The following VAT1L variants were observed in gnomAD, a reference collection of about 807,000 sequenced individuals.
VAT1L encodes the protein vesicle amine transport 1 like.
VAT1L carries 34 observed loss-of-function variants against 44.1 expected under a neutral mutation model. The ratio of observed to expected loss-of-function variants is 0.77; its 90% CI spans 0.59 to 1.03. The LOEUF (loss-of-function observed/expected upper bound fraction) is 1.03. Ranked by LOEUF, VAT1L falls within the 50% of genes least tolerant of loss-of-function variation. The pLI, the probability that VAT1L is intolerant of heterozygous loss-of-function variation, is 0.00. For missense variants in VAT1L, 615 were observed against 538.8 expected (o/e 1.14, Z -1.40); for synonymous variants, 253 against 202.2 (o/e 1.25, Z -2.13).
chr16:77,851,667 AAGAG>A (rs200308279), intron 3 of VAT1L, among the ~76,000 whole-genome samples: 11 of 151,540 alleles, frequency 7.3e-5, no homozygotes, highest in African/African-American at 2.4e-4. Context: ...AAATAATAAT[AAGAG>A]AGAGAGAGAG....
chr16:77,950,233 AC>A (rs1231237889), intron 7 of VAT1L, among the ~76,000 whole-genome samples: 1 of 152,062 alleles, frequency 6.6e-6, no homozygotes, highest in Admixed American at 6.6e-5. Flanking sequence ...ACATGGGGAA[AC>A]CCCATCTCTA....
intron 1 of VAT1L, among the ~76,000 whole-genome samples, chr16:77,807,691 CA>C (rs547432992): frequency 1.1e-3 from 163 of 152,242 alleles, no homozygotes; most frequent in African/African-American, 3.9e-3. Context: ...ATTCGGATAG[CA>C]AGCTTATATC....
At chr16:77,859,835 AAC>A (rs2016897950) in intron 3 of VAT1L, among the ~76,000 whole-genome samples, 1 of 152,162 alleles carries the variant, frequency 6.6e-6, no homozygotes, top group African/African-American at 2.4e-5. Flanking sequence ...TGAAGCAGGA[AAC>A]ACAGTAAGAG....
At chr16:77,837,702 A>T (rs1255407434) in intron 3 of VAT1L, among the ~76,000 whole-genome samples, 1 of 152,198 alleles carries the variant, frequency 6.6e-6, no homozygotes, top group Non-Finnish European at 1.5e-5. Flanking sequence ...TCTGGTTTCC[A>T]GGTGACAGAG....
chr16:77,971,968 C>A (rs1567526833), intron 8 of VAT1L, 35 bp downstream of exon 8: 2 of 1,590,232 alleles, frequency 1.3e-6, no homozygotes, highest in Non-Finnish European at 1.7e-6. Context: ...TTCAGTTCCA[C>A]GCGAGAGAGC....
chr16:77,881,706 G>A (rs1215303502), intron 6 of VAT1L, among the ~76,000 whole-genome samples: 1 of 152,196 alleles, frequency 6.6e-6, no homozygotes, highest in Non-Finnish European at 1.5e-5. Flanking sequence ...ATGGGTCAAG[G>A]ATCATCCTAA....
chr16:77,888,057 G>C (rs533685637), intron 7 of VAT1L, among the ~76,000 whole-genome samples: 53 of 152,084 alleles, frequency 3.5e-4, no homozygotes, highest in Non-Finnish European at 6.0e-4. Flanking sequence ...CTTCTATTTT[G>C]AACACTCCTT....
chr16:77,825,111 C>G (rs984486853), intron 2 of VAT1L, 135 bp from the exon 3 acceptor site: 7 of 856,560 alleles, frequency 8.2e-6, no homozygotes, highest in African/African-American at 5.0e-5. Context: ...GATTGATTCA[C>G]CCACCTCAGC....
chr16:77,935,209 T>A (rs1043668932), intron 7 of VAT1L, among the ~76,000 whole-genome samples: 5 of 152,168 alleles, frequency 3.3e-5, no homozygotes, highest in Non-Finnish European at 7.4e-5. Context: ...GTGAAATCTC[T>A]TTTAGGTTGT....
chr16:77,977,535 A>C, intron 8 of VAT1L, 62 bp from the exon 9 acceptor site: 1 of 1,540,078 alleles, frequency 6.5e-7, no homozygotes, highest in Non-Finnish European at 8.9e-7. Flanking sequence ...ACTCTGTCAG[A>C]TGCTCAGAGA....
At chr16:77,812,033 C>T (rs2016273771) in intron 1 of VAT1L, among the ~76,000 whole-genome samples, 1 of 151,976 alleles carries the variant, frequency 6.6e-6, no homozygotes, top group Admixed American at 6.6e-5. Flanking sequence ...AACCCAAGCA[C>T]CTGCATCTGT....
chr16:77,822,886 C>T (rs539938307), intron 2 of VAT1L, among the ~76,000 whole-genome samples: 7 of 152,176 alleles, frequency 4.6e-5, no homozygotes, highest in Non-Finnish European at 8.8e-5. Context: ...TTAGGTAACC[C>T]GAACCCCTGC....
chr16:77,825,126 C>T, intron 2 of VAT1L, 120 bp from the exon 3 acceptor site: 2 of 1,067,142 alleles, frequency 1.9e-6, no homozygotes, highest in Non-Finnish European at 2.8e-6. Context: ...CTCAGCCTCC[C>T]AAAGTGCTGG....
At chr16:77,874,361 G>C (rs1277231213) in intron 4 of VAT1L, among the ~76,000 whole-genome samples, 3 of 151,906 alleles carry the variant, frequency 2.0e-5, no homozygotes, top group African/African-American at 7.2e-5. Context: ...GGAGACAGGA[G>C]CACAATTACC....
chr16:77,977,404 A>G (rs1212428139), intron 8 of VAT1L, among the ~76,000 whole-genome samples, 193 bp from the exon 9 acceptor site: 2 of 152,156 alleles, frequency 1.3e-5, no homozygotes, highest in Non-Finnish European at 2.9e-5. Flanking sequence ...AGATACTGGT[A>G]TTCAAATCCT....
intron 1 of VAT1L, among the ~76,000 whole-genome samples, chr16:77,812,729 T>G (rs2016287043): frequency 6.6e-6 from 1 of 152,216 alleles, no homozygotes; most frequent in African/African-American, 2.4e-5. Flanking sequence ...GTATCTTCCC[T>G]AACATATCTT....
At chr16:77,877,540 A>AC in intron 5 of VAT1L, among the ~76,000 whole-genome samples, 2 of 141,038 alleles carry the variant, frequency 1.4e-5, no homozygotes, top group Middle Eastern at 7.0e-3. Flanking sequence ...AAAAAAAAAA[A>AC]AAACCACATT....
chr16:77,964,497 C>G (rs2018200350), intron 7 of VAT1L, among the ~76,000 whole-genome samples: 1 of 152,174 alleles, frequency 6.6e-6, no homozygotes, highest in South Asian at 2.1e-4. Context: ...CCAAACCTTC[C>G]TGCCTTCCTC....
intron 7 of VAT1L, among the ~76,000 whole-genome samples, chr16:77,927,199 GT>G: frequency 6.6e-6 from 1 of 152,058 alleles, no homozygotes; most frequent in South Asian, 2.1e-4. Flanking sequence ...TTAGCCAGGT[GT>G]GGTGGCGGGC....
Sources: allele counts gnomAD v4.1 joint callset (sites outside exome capture counted in the v4.1 genomes callset), GRCh38; gene constraint gnomAD v4.1.1; transcripts MANE v1.5; gene names NCBI Gene and HGNC (gene_info 2026-07-23, HGNC 2026-07-21).